ENTREP2: variants seen among roughly 807,000 people sequenced by gnomAD.
ENTREP2 encodes protein ENTREP2.
the ENTREP2 span, among the ~76,000 whole-genome samples, chr15:29,184,599 G>A: frequency 1.3e-5 from 2 of 150,064 alleles, no homozygotes; most frequent in Non-Finnish European, 2.9e-5. Flanking sequence ...CATGAAGTCC[G>A]CCTCATGGAC....
At chr15:29,121,938 G>T in the ENTREP2 span, 1 of 152,394 alleles carries the variant, frequency 6.6e-6, no homozygotes. Context: ...AGGGAATTGG[G>T]GGAGCTCAAG....
chr15:29,119,672 CAAAAAA>C, the ENTREP2 span, among the ~76,000 whole-genome samples: 5 of 101,584 alleles, frequency 4.9e-5, no homozygotes, highest in African/African-American at 2.9e-4. Flanking sequence ...ACAATTCTAG[CAAAAAA>C]AAAAAAAAAA....
the ENTREP2 span, chr15:29,123,004 C>T: frequency 6.3e-5 from 14 of 222,026 alleles, no homozygotes; most frequent in African/African-American, 2.7e-4. Context: ...ACGTAAGTGT[C>T]GCCTGTTGCT....
the ENTREP2 span, among the ~76,000 whole-genome samples, chr15:29,216,244 CA>C: frequency 6.6e-6 from 1 of 152,140 alleles, no homozygotes; most frequent in African/African-American, 2.4e-5. Context: ...TCACTGGATA[CA>C]AAATTCTTGG....
chr15:29,348,326 G>T, the ENTREP2 span, among the ~76,000 whole-genome samples: 1 of 152,062 alleles, frequency 6.6e-6, no homozygotes. Context: ...TGGAAACAGG[G>T]GGAGGTCTAG....
the ENTREP2 span, among the ~76,000 whole-genome samples, chr15:29,417,728 T>G: frequency 6.6e-6 from 1 of 152,148 alleles, no homozygotes; most frequent in Non-Finnish European, 1.5e-5. Context: ...GTATGTATCT[T>G]GCAAATATAA....
the ENTREP2 span, among the ~76,000 whole-genome samples, chr15:29,395,546 T>C: frequency 1.3e-5 from 2 of 151,520 alleles, no homozygotes; most frequent in African/African-American, 2.4e-5. Flanking sequence ...TTTTTTTTTT[T>C]TGAGACAGGG....
the ENTREP2 span, among the ~76,000 whole-genome samples, chr15:29,321,373 G>C: frequency 6.6e-6 from 1 of 152,126 alleles, no homozygotes; most frequent in East Asian, 1.9e-4. Flanking sequence ...AAAGAGGCTG[G>C]GCGCGGTGGC....
chr15:29,357,794 G>A, the ENTREP2 span, among the ~76,000 whole-genome samples: 2 of 151,690 alleles, frequency 1.3e-5, no homozygotes, highest in Admixed American at 6.6e-5. Context: ...AGCCGAGATC[G>A]TGCCACTGCA....
the ENTREP2 span, among the ~76,000 whole-genome samples, chr15:29,368,637 T>G: frequency 1.3e-5 from 2 of 151,812 alleles, no homozygotes; most frequent in African/African-American, 4.8e-5. Context: ...TTTGGGAGAC[T>G]GAGGCAGGAG....
At chr15:29,356,568 G>A in the ENTREP2 span, among the ~76,000 whole-genome samples, 1 of 151,834 alleles carries the variant, frequency 6.6e-6, no homozygotes, top group Non-Finnish European at 1.5e-5. Context: ...GCCTCCCAAA[G>A]TGCTGAGATT....
chr15:29,368,893 A>C, the ENTREP2 span, among the ~76,000 whole-genome samples: 1 of 152,178 alleles, frequency 6.6e-6, no homozygotes, highest in South Asian at 2.1e-4. Flanking sequence ...AAAAAAAATA[A>C]CCAAATAGAA....
chr15:29,607,949 G>C, the ENTREP2 span, among the ~76,000 whole-genome samples: 43 of 152,260 alleles, frequency 2.8e-4, no homozygotes, highest in Non-Finnish European at 5.4e-4. Context: ...GAGGAACAAG[G>C]AGAGCCGGTC....
At chr15:29,624,187 G>A in the ENTREP2 span, among the ~76,000 whole-genome samples, 3 of 152,204 alleles carry the variant, frequency 2.0e-5, no homozygotes, top group South Asian at 6.2e-4. Flanking sequence ...TCCTATGATA[G>A]TTATTCTACG....
chr15:29,576,863 A>G, the ENTREP2 span, among the ~76,000 whole-genome samples: 2 of 152,218 alleles, frequency 1.3e-5, no homozygotes, highest in South Asian at 2.1e-4. Flanking sequence ...GCTGGAGTGC[A>G]GTGGCGTGAT....
At chr15:29,352,154 C>G in the ENTREP2 span, among the ~76,000 whole-genome samples, 5 of 152,102 alleles carry the variant, frequency 3.3e-5, no homozygotes, top group Admixed American at 3.3e-4. Flanking sequence ...GGGCTGGACT[C>G]TAACTCCTGG....
At chr15:29,304,981 C>G in the ENTREP2 span, among the ~76,000 whole-genome samples, 1 of 152,186 alleles carries the variant, frequency 6.6e-6, no homozygotes, top group African/African-American at 2.4e-5. Flanking sequence ...CCATCACTCC[C>G]TCAGCCAACT....
the ENTREP2 span, chr15:29,252,237 C>G: frequency 1.9e-6 from 1 of 534,148 alleles, no homozygotes; most frequent in Non-Finnish European, 3.3e-6. Context: ...ATACCCTAAA[C>G]TAGAAAACAT....
chr15:29,458,624 T>C, the ENTREP2 span, among the ~76,000 whole-genome samples: 2 of 152,112 alleles, frequency 1.3e-5, no homozygotes, highest in Non-Finnish European at 2.9e-5. Context: ...GCCAAGGTCA[T>C]GGTCACGCCT....
Sources: allele counts gnomAD v4.1 joint callset (sites outside exome capture counted in the v4.1 genomes callset), GRCh38; gene constraint gnomAD v4.1.1; transcripts MANE v1.5; gene names NCBI Gene and HGNC (gene_info 2026-07-23, HGNC 2026-07-21).